The following DST variants were observed in gnomAD, a reference collection of about 807,000 sequenced individuals.
DST encodes the protein dystonin.
DST carries 253 observed loss-of-function variants against 875.2 expected under a neutral mutation model. The observed-to-expected ratio is 0.29, with a 90% confidence interval of 0.26 to 0.32. The LOEUF is 0.32. Among genes scored for constraint, DST ranks in the 10% least tolerant of loss-of-function variants. DST has a pLI of 1.00. For missense variants in DST, 8,287 were observed against 9,111.6 expected (o/e 0.91, Z 3.68); for synonymous variants, 3,124 against 3,197.1 (o/e 0.98, Z 0.77).
chr6:56,544,092 T>C (rs553516331), intron 61 of DST, among the ~76,000 whole-genome samples: 18 of 152,322 alleles, frequency 1.2e-4, no homozygotes, highest in Admixed American at 3.3e-4. Flanking sequence ...CCTGATTCTG[T>C]GGTGTTCAAG....
intron 59 of DST, 43 bp from the exon 60 acceptor site, chr6:56,555,883 G>T: frequency 7.1e-7 from 1 of 1,414,206 alleles, no homozygotes; most frequent in Admixed American, 2.9e-5. Context: ...TTATATAATT[G>T]ATTGTAGAAA....
intron 2 of DST, among the ~76,000 whole-genome samples, chr6:56,903,794 CT>C (rs1795167441): frequency 6.6e-6 from 1 of 152,172 alleles, no homozygotes; most frequent in Non-Finnish European, 1.5e-5. Flanking sequence ...CTTTCCTAAA[CT>C]TCAGGCATCT....
chr6:56,511,248 A>G lies in DST; in HGVS notation c.18729T>C (p.Asp6243=). The change falls in exon 73 of 104, where the codon GAT becomes GAC. Residue 6243 remains aspartate (D), a synonymous_variant. Transcript: ENST00000680361. ...CCAGTGCCACAGCACGCTTTTTGAC[A>G]TCTTCTTTAATTTGACTGTAAAGGG... The part of the protein sequence containing the change: ...ADTLYSQIKE[D]VKKRAVALDE... 1 of 1,596,078 alleles carries G rather than the reference A, an allele frequency of 6.3e-7. No homozygotes were observed. The highest frequency in any genetic ancestry group is 8.5e-7 in the Non-Finnish European group (1 of 1,170,234).
chr6:56,540,705 G>A (rs2097110564), intron 61 of DST: 1 of 152,520 alleles, frequency 6.6e-6, no homozygotes, highest in Non-Finnish European at 1.5e-5. Context: ...CACTTCACAG[G>A]GCTCTCTTTC....
intron 85 of DST, among the ~76,000 whole-genome samples, chr6:56,491,774 C>T (rs2095754456): frequency 1.3e-5 from 2 of 152,184 alleles, no homozygotes; most frequent in South Asian, 2.1e-4. Flanking sequence ...AGAAAGCTGT[C>T]GGGAGGGCTA....
chr6:56,921,035 C>T (rs376293771), intron 2 of DST, among the ~76,000 whole-genome samples: 6 of 150,974 alleles, frequency 4.0e-5, no homozygotes, highest in African/African-American at 1.2e-4. Flanking sequence ...TGAGCCACCA[C>T]GCCCAATAGA....
intron 4 of DST, among the ~76,000 whole-genome samples, chr6:56,743,803 A>G (rs541280432): frequency 5.3e-5 from 8 of 152,238 alleles, no homozygotes; most frequent in Admixed American, 1.3e-4. Context: ...ACTCAACTTT[A>G]TAATTTCATA....
intron 5 of DST, among the ~76,000 whole-genome samples, chr6:56,720,932 G>C (rs2099412504): frequency 6.6e-6 from 1 of 151,902 alleles, no homozygotes; most frequent in Non-Finnish European, 1.5e-5. Context: ...GGGGCGGCCA[G>C]GCAGAGGGGC....
At chr6:56,597,239 CA>C (rs76384316) in intron 47 of DST, among the ~76,000 whole-genome samples, 1,369 of 128,528 alleles carry the variant, frequency 0.011, 13 homozygotes, top group African/African-American at 0.032. Flanking sequence ...GACCTTGTCT[CA>C]AAAAAAAAAA....
chr6:56,720,768 A>G (rs35920751), intron 5 of DST, among the ~76,000 whole-genome samples: 38,049 of 152,102 alleles, frequency 0.25, 6,460 homozygotes, highest in African/African-American at 0.48. Flanking sequence ...ACACAGACAC[A>G]GTAACAATGT....
At chr6:56,517,135 T>C in intron 71 of DST, 63 bp downstream of exon 71, 1 of 1,186,800 alleles carries the variant, frequency 8.4e-7, no homozygotes, top group South Asian at 1.3e-5. Flanking sequence ...TTTCTAGGAC[T>C]GAAAGCTCAA....
At chr6:56,639,117 A>G (rs2098855373) in intron 22 of DST, 142 bp downstream of exon 22, 1 of 742,286 alleles carries the variant, frequency 1.3e-6, no homozygotes, top group Admixed American at 2.1e-5. Flanking sequence ...GGCAATCAGT[A>G]CAATTTGTCA....
intron 4 of DST, among the ~76,000 whole-genome samples, chr6:56,844,469 T>C (rs1386169940): frequency 6.6e-6 from 1 of 152,214 alleles, no homozygotes; most frequent in African/African-American, 2.4e-5. Flanking sequence ...CTGAGTAAAA[T>C]GGATACAGTT....
intron 4 of DST, among the ~76,000 whole-genome samples, chr6:56,768,828 TG>T (rs1359677211): frequency 6.6e-6 from 1 of 152,158 alleles, no homozygotes; most frequent in East Asian, 1.9e-4. Context: ...CCCAGCACTC[TG>T]GGAGGTCAAG....
At chr6:56,953,113 T>C (rs148133022) in intron 2 of DST, among the ~76,000 whole-genome samples, 355 of 152,236 alleles carry the variant, frequency 2.3e-3, no homozygotes, top group Admixed American at 5.1e-3. Context: ...AGAGGGGAAA[T>C]TATCTTAGGA....
rs2096102077 is a variant in DST, at chr6:56,501,005, G to T, written c.19896+75C>A. The T allele has an allele frequency of 3.5e-6, 5 of 1,443,070 alleles. No homozygotes were observed. The Admixed American group carries it at 1.1e-4, about 31-fold the overall frequency. The allele number at this position is 1,443,070 out of a possible 1,614,324, so 89.4% of individuals were successfully genotyped here. On this transcript the variant is annotated intron_variant, in intron 80 of 103. Coordinates refer to ENST00000680361, the MANE Select transcript of DST (RefSeq NM_001374736.1). The stretch of plus-strand genomic sequence containing the variant: ...ATAAACTTGAAACACGCATAAAGAA[G>T]AAATATATCCAAGAAATCTGATGAC...
At chr6:56,825,104 C>G (rs1367464916) in intron 4 of DST, among the ~76,000 whole-genome samples, 1 of 151,696 alleles carries the variant, frequency 6.6e-6, no homozygotes, top group Admixed American at 6.6e-5. Context: ...GTTGCCGTGT[C>G]TGTGTAGAAA....
At position 56,561,922 on chromosome 6, in the gene DST, CA is replaced by C. The variant is rs200885919; in HGVS notation, c.14068+215del. ...AAAAGAAAGCAACAAAACCAAGTGTCAAACTGAACAACTTGATTTTACTTAT... is the reference window on the plus strand; with the variant it reads ...AAAAGAAAGCAACAAAACCAAGTGTCAACTGAACAACTTGATTTTACTTAT... On this transcript the variant is annotated intron_variant, in intron 56 of 103. Coordinates refer to ENST00000680361, the MANE Select transcript of DST (RefSeq NM_001374736.1). Among the ~76,000 whole-genome samples the C allele has an allele frequency of 0.019, 2,868 of 152,126 alleles. 33 individuals carry two copies. The highest frequency in any genetic ancestry group is 0.068 in the Middle Eastern group (20 of 294).
chr6:56,492,340 C>T lies in DST; in HGVS notation c.20644G>A (p.Val6882Ile), dbSNP rs1283990770. The change falls in exon 85 of 104, where the codon GTT becomes ATT. Residue 6882 changes from valine to isoleucine, a missense_variant. This residue lies in a region of DST where 1,292 missense variants were observed against 1,552.7 expected (regional missense o/e 0.83). Transcript: ENST00000680361. ...HLKYFSQKQD[V>I]VLIKNLLISV... Reference sequence around the variant, plus strand: ...ATAAGTAGATTCTTGATTAGAACAACATCTTGTTTCTGACTAAAATATTTT... The same window carrying T: ...ATAAGTAGATTCTTGATTAGAACAATATCTTGTTTCTGACTAAAATATTTT... 6.2e-7 allele frequency: 1 copy of T among 1,613,782 alleles called. No individual in the cohort carries two copies. Among genetic ancestry groups the T allele is most frequent in the South Asian group, 1.1e-5 (1 of 91,068 alleles).
Sources: gnomAD v4.1 joint callset for allele counts (sites outside exome capture counted in the v4.1 genomes callset) on GRCh38, gnomAD v4.1.1 for gene constraint, gnomAD v4.1.1 regional missense constraint, MANE v1.5 for transcripts, NCBI Gene and HGNC (gene_info 2026-07-23, HGNC 2026-07-21) for gene names.